The following UNC13B variants were observed in gnomAD, a reference collection of about 807,000 sequenced individuals.
UNC13B encodes protein unc-13 homolog B.
A neutral mutation model predicts 211.0 loss-of-function variants in UNC13B; 144 were observed. That is an observed-to-expected ratio of 0.68 (90% CI 0.60 to 0.78). The LOEUF is 0.78. UNC13B is among the 30% of genes least tolerant of loss of function. UNC13B has a pLI of 0.00. For missense variants in UNC13B, 1,777 were observed against 2,002.0 expected (o/e 0.89, Z 2.14); for synonymous variants, 709 against 725.8 (o/e 0.98, Z 0.37).
At chr9:35,240,417 G>T (rs1413086504) in intron 5 of UNC13B, among the ~76,000 whole-genome samples, 14 of 152,022 alleles carry the variant, frequency 9.2e-5, no homozygotes, top group African/African-American at 3.1e-4. Context: ...TTTCCAGCTA[G>T]CTCAGAAAGA....
At chr9:35,179,471 A>G (rs759420830) in intron 1 of UNC13B, among the ~76,000 whole-genome samples, 1 of 152,160 alleles carries the variant, frequency 6.6e-6, no homozygotes, top group Non-Finnish European at 1.5e-5. Flanking sequence ...AACTGTATCT[A>G]TAAGTAAGTT....
At chr9:35,206,791 T>A (rs575574523) in intron 1 of UNC13B, among the ~76,000 whole-genome samples, 34 of 151,388 alleles carry the variant, frequency 2.2e-4, no homozygotes, top group African/African-American at 8.0e-4. Flanking sequence ...GGGGAATCAC[T>A]TGAACTGAGG....
intron 7 of UNC13B, among the ~76,000 whole-genome samples, chr9:35,279,422 A>G (rs1349563031): frequency 1.3e-5 from 2 of 152,058 alleles, no homozygotes; most frequent in African/African-American, 2.4e-5. Flanking sequence ...GATATACCAT[A>G]TTTTGTTTAT....
At chr9:35,218,731 T>C (rs1282769749) in intron 1 of UNC13B, among the ~76,000 whole-genome samples, 1 of 151,506 alleles carries the variant, frequency 6.6e-6, no homozygotes, top group East Asian at 1.9e-4. Context: ...GAGTTAATGT[T>C]CGTGTTTTTC....
At chr9:35,319,502 G>A (rs117362213) in intron 11 of UNC13B, among the ~76,000 whole-genome samples, 1 of 151,172 alleles carries the variant, frequency 6.6e-6, no homozygotes, top group African/African-American at 2.4e-5. Flanking sequence ...GAGATTTGGG[G>A]TATAGATCCT....
At chr9:35,223,598 G>A (rs1350971570) in intron 1 of UNC13B, among the ~76,000 whole-genome samples, 1 of 151,860 alleles carries the variant, frequency 6.6e-6, no homozygotes, top group Non-Finnish European at 1.5e-5. Flanking sequence ...TGGATGAATA[G>A]TTTGCAAATA....
In UNC13B at chr9:35,301,759, T is replaced by C. The variant is rs1414966794; in HGVS notation, c.2355T>C (p.Thr785=). 5.0e-6 allele frequency: 2 copies of C among 398,758 alleles called. No individual in the cohort carries two copies. The highest frequency in any genetic ancestry group is 4.4e-6 in the Non-Finnish European group (1 of 225,936). The allele number at this position is 398,758 out of a possible 1,614,324, so 24.7% of individuals were successfully genotyped here. A position where few individuals can be genotyped will look rare whatever the true frequency, so the allele number is the denominator to read the frequency against. ...ATCCTTGTATAGCTGGCAGTAGAAC[T>C]GCAAATAAAGAGGTATTTTCAAAGC... ...PGHPCIAGSR[T]ANKEVFSKPL... is the part of the protein sequence containing the mutation. The change falls in exon 9 of 40, where the codon ACT becomes ACC. Residue 785 remains threonine, a synonymous_variant. Transcript: ENST00000635942.
chr9:35,253,425 C>T (rs1224596399), intron 6 of UNC13B, among the ~76,000 whole-genome samples: 1 of 151,698 alleles, frequency 6.6e-6, no homozygotes, highest in African/African-American at 2.4e-5. Flanking sequence ...TGGCTTTTTT[C>T]TCTTCTCTTT....
chr9:35,324,517 C>T lies in UNC13B; in HGVS notation c.9414+10528C>T, dbSNP rs545064694. ...AAGGAATATACTTGAGAAAAGTCTG[C>T]GTCAGAGATCCCATTGTCATTTCAT... is the stretch of plus-strand genomic sequence containing the variant. On this transcript the variant is annotated intron_variant, in intron 11 of 39. Coordinates refer to ENST00000635942, the MANE Select transcript of UNC13B (RefSeq NM_001371189.2). 3.3e-5 allele frequency among the ~76,000 whole-genome samples: 5 copies of T among 152,164 alleles called. No individual in the cohort carries two copies. The South Asian group carries it at 6.2e-4, about 19-fold the overall frequency.
chr9:35,227,794 C>G lies in UNC13B; in HGVS notation c.23-221C>G, dbSNP rs149298780. 25 of 430,082 alleles carry G rather than the reference C, an allele frequency of 5.8e-5. No individual in the cohort carries two copies. The East Asian group carries it at 9.3e-4, about 16-fold the overall frequency. 26.6% of individuals were successfully genotyped at this position (430,082 alleles called of 1,614,324 possible). ...CCACCTTGTTGTCAGGAGCCTGGAA[C>G]AGAGATTTTTGCATTGGATATGAGA... On this transcript the variant is annotated intron_variant, in intron 1 of 39. Coordinates refer to ENST00000635942, the MANE Select transcript of UNC13B (RefSeq NM_001371189.2).
In UNC13B at chr9:35,305,498, G is replaced by A; in HGVS notation, c.6094G>A (p.Ala2032Thr). The A allele has an allele frequency of 2.5e-6, 1 of 398,972 alleles. No individual in the cohort carries two copies. Among genetic ancestry groups the A allele is most frequent in the Non-Finnish European group, 4.4e-6 (1 of 226,034 alleles). The allele number at this position is 398,972 out of a possible 1,614,324, so 24.7% of individuals were successfully genotyped here. The change falls in exon 9 of 40, where the codon GCT (alanine) becomes ACT (threonine). Residue 2032 changes from alanine to threonine, a missense_variant. Transcript: ENST00000635942. ...LASQGAGNFP[A>T]APISSKGKAR... ...TAGCCAGGGTGCTGGGAACTTTCCT[G>A]CTGCACCAATTTCCTCTAAAGGGAA...
rs1820813940 is a variant in UNC13B, at chr9:35,162,219, TGAGAG to T, written c.-62_-58del. On this transcript the variant is annotated 5_prime_UTR_variant, in exon 1 of 40. Coordinates refer to ENST00000635942, the MANE Select transcript of UNC13B (RefSeq NM_001371189.2). The stretch of plus-strand genomic sequence containing the variant: ...TAACGAGAGCAGTCGCGGCACCTGC[TGAGAG>T]GAAAGAGGGAGCGGTCCGGCGCGGC... 5.2e-6 allele frequency: 8 copies of T among 1,541,322 alleles called. No individual in the cohort carries two copies. The highest frequency in any genetic ancestry group is 2.0e-5 in the Admixed American group (1 of 50,950).
At chr9:35,184,333 T>C (rs1358175563) in intron 1 of UNC13B, among the ~76,000 whole-genome samples, 3 of 152,148 alleles carry the variant, frequency 2.0e-5, no homozygotes, top group African/African-American at 7.2e-5. Flanking sequence ...GCTGTAATCT[T>C]AGCACTTTGG....
At chr9:35,352,581 C>A (rs1337181755) in intron 11 of UNC13B, 3 of 1,232,020 alleles carry the variant, frequency 2.4e-6, no homozygotes, top group Non-Finnish European at 3.0e-6. Context: ...GGACCCATAA[C>A]AGGAACATAT....
chr9:35,388,962 T>C (rs1416407573), intron 24 of UNC13B, among the ~76,000 whole-genome samples: 1 of 152,062 alleles, frequency 6.6e-6, no homozygotes, highest in Non-Finnish European at 1.5e-5. Context: ...AAGGAAGAGA[T>C]GTATTTAAGT....
chr9:35,401,041 C>G (rs981935900), intron 37 of UNC13B, among the ~76,000 whole-genome samples: 4 of 152,140 alleles, frequency 2.6e-5, no homozygotes, highest in Non-Finnish European at 5.9e-5. Flanking sequence ...AGAACCCCTC[C>G]CTACCTCCAG....
chr9:35,398,900 T>G lies in UNC13B; in HGVS notation c.11940T>G (p.Asp3980Glu), dbSNP rs775917272. The change falls in exon 33 of 40, where the codon GAT (aspartate) becomes GAG (glutamate). Residue 3980 changes from aspartate to glutamate, a missense_variant. Asp to Glu is a conservative substitution (Grantham distance 45). Transcript: ENST00000635942. ...VFGNSFQVRIDECVRQMADIL... is the reference protein window; with the variant it reads ...VFGNSFQVRIEECVRQMADIL... ...TGTGTAGTTTCCAGGTACGGATTGA[T>G]GAGTGTGTTCGACAAATGGCCGACA... The G allele has an allele frequency of 6.2e-7, 1 of 1,614,006 alleles. No individual in the cohort carries two copies. Among genetic ancestry groups the G allele is most frequent in the Admixed American group, 1.7e-5 (1 of 60,010 alleles).
intron 7 of UNC13B, among the ~76,000 whole-genome samples, chr9:35,270,922 C>T (rs1052278129): frequency 1.4e-4 from 22 of 152,180 alleles, no homozygotes; most frequent in African/African-American, 3.9e-4. Context: ...AGGTGGATCA[C>T]GAGGTCAGGA....
chr9:35,214,619 T>C (rs1038814041), intron 1 of UNC13B, among the ~76,000 whole-genome samples: 1 of 152,096 alleles, frequency 6.6e-6, no homozygotes, highest in African/African-American at 2.4e-5. Flanking sequence ...CTGAGTGACA[T>C]TGCAGATAAA....
Sources: gnomAD v4.1 joint callset for allele counts (sites outside exome capture counted in the v4.1 genomes callset) on GRCh38, gnomAD v4.1.1 for gene constraint, MANE v1.5 for transcripts, NCBI Gene and HGNC (gene_info 2026-07-23, HGNC 2026-07-21) for gene names.